Variants in AMPH observed in about 807,000 individuals in gnomAD.
AMPH encodes amphiphysin (Stiff-Mann syndrome with breast cancer 128kD autoantigen).
AMPH carries 49 observed loss-of-function variants against 99.1 expected under a neutral mutation model. That is an observed-to-expected ratio of 0.49 (90% confidence interval 0.39 to 0.63). The LOEUF is 0.63. Among genes scored for constraint, AMPH ranks in the 20% least tolerant of loss-of-function variants. The pLI is 0.00. For missense variants in AMPH, 759 were observed against 863.4 expected (o/e 0.88, Z 1.52); for synonymous variants, 314 against 317.3 (o/e 0.99, Z 0.11).
Position 38,461,406 on chromosome 7 carries a change from C to T in AMPH, c.894G>A (p.Arg298=), listed in dbSNP as rs758932763. Residue 298 remains arginine (R), a synonymous_variant, in exon 11 of 21, where the codon AGG becomes AGA. Coordinates refer to ENST00000356264, the MANE Select transcript of AMPH (RefSeq NM_001635.4). The part of the protein sequence containing the change: ...PARPRSPSQT[R]KGPPVPPLPK... ...GTAGAGGTGGGACAGGAGGCCCTTT[C>T]CTTGTCTAGGAAGCATTAAATACAA... 1.2e-6 allele frequency: 2 copies of T among 1,614,096 alleles called. No homozygotes were observed. The highest frequency in any genetic ancestry group is 1.1e-5 in the South Asian group (1 of 91,076).
intron 1 of AMPH, among the ~76,000 whole-genome samples, chr7:38,535,672 C>T (rs1584217846): frequency 6.6e-6 from 1 of 152,244 alleles, no homozygotes; most frequent in East Asian, 1.9e-4. Flanking sequence ...CTAAATGGTC[C>T]TATCTGGGGC....
chr7:38,474,323 C>G (rs1163898568), intron 7 of AMPH, among the ~76,000 whole-genome samples: 2 of 151,894 alleles, frequency 1.3e-5, no homozygotes, highest in African/African-American at 2.4e-5. Context: ...TGAGTAAATT[C>G]AGATGAACAA....
intron 1 of AMPH, among the ~76,000 whole-genome samples, chr7:38,623,854 C>T (rs1409897918): frequency 6.6e-6 from 1 of 152,146 alleles, no homozygotes; most frequent in Non-Finnish European, 1.5e-5. Flanking sequence ...TGGAAGGAGA[C>T]AACATTGTTT....
rs1422402984 is a variant in AMPH, at chr7:38,624,052, C to T, written c.69+7231G>A. ...TTTCACAAAATGACAAAGCAAATGA[C>T]GATGAAACCCTTATGATAATTTCAC... On this transcript the variant is annotated intron_variant, in intron 1 of 20. Coordinates refer to ENST00000356264, the MANE Select transcript of AMPH (RefSeq NM_001635.4). 3.9e-5 allele frequency among the ~76,000 whole-genome samples: 6 copies of T among 152,136 alleles called. No individual in the cohort carries two copies. The East Asian group carries it at 5.8e-4, about 15-fold the overall frequency.
chr7:38,505,862 G>GA (rs1789305473), intron 2 of AMPH, among the ~76,000 whole-genome samples: 1 of 151,946 alleles, frequency 6.6e-6, no homozygotes, highest in Admixed American at 6.6e-5. Context: ...ATAAATAGTG[G>GA]AAAAAATATG....
At chr7:38,562,645 G>C (rs918632844) in intron 1 of AMPH, among the ~76,000 whole-genome samples, 1 of 151,474 alleles carries the variant, frequency 6.6e-6, no homozygotes, top group African/African-American at 2.4e-5. Flanking sequence ...ATCATGATAT[G>C]AGCACAAAAA....
At chr7:38,527,490 C>CT (rs1335794237) in intron 2 of AMPH, among the ~76,000 whole-genome samples, 1 of 152,014 alleles carries the variant, frequency 6.6e-6, no homozygotes, top group Non-Finnish European at 1.5e-5. Flanking sequence ...ATATATATTT[C>CT]TTTTTCTTTG....
chr7:38,394,143 C>T lies in AMPH; in HGVS notation c.1470G>A (p.Glu490=), dbSNP rs755432889. 1.2e-6 allele frequency: 2 copies of T among 1,614,090 alleles called. No homozygotes were observed. The highest frequency in any genetic ancestry group is 1.7e-6 in the Non-Finnish European group (2 of 1,180,042). The part of the protein sequence containing the change: ...LVSAAEGAPG[E]EAEAEKATVP... ...CAGTGGCCTTCTCCGCCTCTGCTTC[C>T]TCTCCTGGGGCCCCCTCAGCTGCTG... Residue 490 remains glutamate, a synonymous_variant, in exon 18 of 21, where the codon GAG becomes GAA. Transcript: ENST00000356264.
chr7:38,469,922 C>T (rs1393334792), intron 7 of AMPH, among the ~76,000 whole-genome samples: 7 of 152,204 alleles, frequency 4.6e-5, no homozygotes, highest in Non-Finnish European at 2.9e-5. Flanking sequence ...GGCCCACCCA[C>T]TAACCTAATT....
At chr7:38,583,467 T>C (rs773640683) in intron 1 of AMPH, among the ~76,000 whole-genome samples, 5 of 152,138 alleles carry the variant, frequency 3.3e-5, no homozygotes, top group Admixed American at 2.6e-4. Context: ...CTTGAAATAA[T>C]AATATGAAAA....
At chr7:38,401,462 A>G (rs1784838672) in intron 17 of AMPH, among the ~76,000 whole-genome samples, 1 of 152,238 alleles carries the variant, frequency 6.6e-6, no homozygotes. Context: ...ATTGCAATAT[A>G]GCTTCATAAA....
chr7:38,385,327 G>C (rs1392811986), intron 20 of AMPH, among the ~76,000 whole-genome samples: 1 of 152,160 alleles, frequency 6.6e-6, no homozygotes, highest in African/African-American at 2.4e-5. Flanking sequence ...AGCATGACCT[G>C]TTCTGGGGTC....
chr7:38,510,685 C>A (rs765926318), intron 2 of AMPH, among the ~76,000 whole-genome samples: 5 of 152,078 alleles, frequency 3.3e-5, no homozygotes, highest in Non-Finnish European at 7.4e-5. Flanking sequence ...TTATTTTAGC[C>A]GTATGATCCG....
chr7:38,510,760 T>C (rs1004906241), intron 2 of AMPH, among the ~76,000 whole-genome samples: 1 of 152,146 alleles, frequency 6.6e-6, no homozygotes, highest in African/African-American at 2.4e-5. Flanking sequence ...TAAAGGATGA[T>C]GAAGGATAAA....
At chr7:38,543,308 G>C (rs1790878864) in intron 1 of AMPH, among the ~76,000 whole-genome samples, 4 of 152,094 alleles carry the variant, frequency 2.6e-5, no homozygotes, top group Admixed American at 2.6e-4. Context: ...TATTAAAGAA[G>C]ATGTTGACTC....
intron 1 of AMPH, among the ~76,000 whole-genome samples, chr7:38,584,762 G>A (rs540175794): frequency 3.3e-5 from 5 of 152,280 alleles, no homozygotes; most frequent in Middle Eastern, 3.4e-3. Flanking sequence ...CGGGGCACAC[G>A]GCCTGATTCC....
At chr7:38,608,877 G>A (rs1314636925) in intron 1 of AMPH, among the ~76,000 whole-genome samples, 2 of 152,184 alleles carry the variant, frequency 1.3e-5, no homozygotes, top group African/African-American at 2.4e-5. Context: ...AGAAGAATTA[G>A]GGCAAAGGAG....
chr7:38,505,212 A>C (rs1789278201), intron 2 of AMPH, among the ~76,000 whole-genome samples: 1 of 152,266 alleles, frequency 6.6e-6, no homozygotes, highest in Admixed American at 6.5e-5. Context: ...AGAAATAATT[A>C]AGACTATGCT....
At chr7:38,557,255 A>G (rs1026938393) in intron 1 of AMPH, among the ~76,000 whole-genome samples, 10 of 152,246 alleles carry the variant, frequency 6.6e-5, no homozygotes, top group African/African-American at 2.4e-4. Flanking sequence ...TATAGTAGTT[A>G]TCACAGCCAT....
Sources: allele counts gnomAD v4.1 joint callset (sites outside exome capture counted in the v4.1 genomes callset), GRCh38; gene constraint gnomAD v4.1.1; transcripts MANE v1.5; gene names NCBI Gene and HGNC (gene_info 2026-07-23, HGNC 2026-07-21).